PTPN13: variants seen among roughly 807,000 people sequenced by gnomAD.
The protein encoded by PTPN13 is protein tyrosine phosphatase non-receptor type 13.
Under a neutral mutation model 284.0 loss-of-function variants are expected in PTPN13, and 191 were observed. The ratio of observed to expected loss-of-function variants is 0.67; its 90% CI spans 0.60 to 0.76. PTPN13 has a LOEUF of 0.76. Ranked by LOEUF, PTPN13 falls within the 30% of genes least tolerant of loss-of-function variation. PTPN13 has a pLI of 0.00. For synonymous variants in PTPN13, 986 were observed against 1,022.3 expected, an observed-to-expected ratio of 0.96 and a Z score of 0.68; for missense variants, 2,797 against 2,939.9, an observed-to-expected ratio of 0.95 and a Z score of 1.12.
At chr4:86,792,482 C>T (rs1742801761) in intron 40 of PTPN13, among the ~76,000 whole-genome samples, 1 of 152,178 alleles carries the variant, frequency 6.6e-6, no homozygotes, top group Non-Finnish European at 1.5e-5. Context: ...GGCAGGCCAA[C>T]ATTCAAATTC....
chr4:86,619,607 A>G (rs755566377), intron 1 of PTPN13, among the ~76,000 whole-genome samples: 21 of 152,138 alleles, frequency 1.4e-4, no homozygotes, highest in African/African-American at 3.1e-4. Flanking sequence ...CCACATTTCT[A>G]TATTTCTAAA....
chr4:86,771,266 T>G lies in PTPN13; in HGVS notation c.4899T>G (p.Asn1633Lys). The change falls in exon 31 of 48, where the codon AAT becomes AAG. Residue 1633 changes from asparagine to lysine, a missense_variant. Asn to Lys is a moderately conservative substitution (Grantham distance 94, BLOSUM62 0). Transcript: ENST00000411767. ...CVEQSTSSDENEMSDKSKKQC... is the reference protein window; with the variant it reads ...CVEQSTSSDEKEMSDKSKKQC... ...AGCAAAGCACCAGCTCAGATGAAAA[T>G]GAAATGTCAGACAAAAGCAAAAAAC... The G allele has an allele frequency of 1.2e-6, 2 of 1,608,266 alleles. No homozygotes were observed. Among genetic ancestry groups the G allele is most frequent in the Non-Finnish European group, 8.5e-7 (1 of 1,177,222 alleles).
intron 2 of PTPN13, among the ~76,000 whole-genome samples, chr4:86,643,239 A>G (rs756523232): frequency 1.3e-5 from 2 of 152,244 alleles, no homozygotes; most frequent in African/African-American, 2.4e-5. Flanking sequence ...ATTAAAAACA[A>G]GCCAGGTTCA....
intron 2 of PTPN13, among the ~76,000 whole-genome samples, chr4:86,647,293 T>G (rs1351028180): frequency 3.3e-5 from 5 of 152,124 alleles, no homozygotes; most frequent in Non-Finnish European, 7.4e-5. Context: ...AAAAACTGTT[T>G]AAATTTAGAG....
At chr4:86,714,693 T>A (rs1206545179) in intron 7 of PTPN13, among the ~76,000 whole-genome samples, 1 of 152,198 alleles carries the variant, frequency 6.6e-6, no homozygotes, top group Non-Finnish European at 1.5e-5. Context: ...ATGAAAATAG[T>A]TGTCTTAAAG....
rs764228396 is a variant in PTPN13 at position 86,732,585 on chromosome 4, A to G, written c.1684-7A>G. On this transcript the variant is annotated splice_polypyrimidine_tract_variant and splice_region_variant and intron_variant, in intron 11 of 47. Coordinates refer to ENST00000411767, the MANE Select transcript of PTPN13 (RefSeq NM_080683.3). ...TTAATAAATGCCGTTTATTTTTTCA[A>G]TTGTAGACTAAGAAAGGGAAGAATG... 5.6e-6 allele frequency: 9 copies of G among 1,609,624 alleles called. No homozygotes were observed. Among genetic ancestry groups the G allele is most frequent in the East Asian group, 2.2e-5 (1 of 44,752 alleles).
At position 86,722,420 on chromosome 4, in the gene PTPN13, CAA is replaced by C. The variant is rs1317750373; in HGVS notation, c.1596_1597del (p.Arg533LysfsTer9). 1 of 1,612,032 alleles carries C rather than the reference CAA, an allele frequency of 6.2e-7. No individual in the cohort carries two copies. The highest frequency in any genetic ancestry group is 8.5e-7 in the Non-Finnish European group (1 of 1,178,314). On this transcript the variant is annotated frameshift_variant, in exon 10 of 48. Transcript: ENST00000411767. LOFTEE classifies it high-confidence loss of function. ...AATTGCCCTAGAAACAGCCATGACT[CAA>C]AGAAAACTGAGGGTAAGTTGATTCT... is the stretch of plus-strand genomic sequence containing the variant. ...REIALETAMT[Q>X]RKLRNFFGPE... is the part of the protein sequence containing the mutation.
At chr4:86,799,640 C>G (rs150792329) in intron 42 of PTPN13, among the ~76,000 whole-genome samples, 61 of 151,606 alleles carry the variant, frequency 4.0e-4, no homozygotes, top group African/African-American at 1.5e-3. Context: ...ACAGTATTTG[C>G]TTTTAAACAT....
chr4:86,785,195 TA>T, intron 38 of PTPN13, 35 bp from the exon 39 acceptor site: 1 of 1,418,332 alleles, frequency 7.1e-7, no homozygotes, highest in Admixed American at 2.4e-5. Flanking sequence ...TCAATATTTT[TA>T]AAGTAAAACC....
At chr4:86,813,497 G>A (rs1745459188) in intron 47 of PTPN13, among the ~76,000 whole-genome samples, 1 of 152,094 alleles carries the variant, frequency 6.6e-6, no homozygotes, top group Non-Finnish European at 1.5e-5. Context: ...CCAGGCTGGA[G>A]CACAGTCCGT....
chr4:86,808,271 A>G (rs774638654), intron 45 of PTPN13, among the ~76,000 whole-genome samples: 4 of 152,258 alleles, frequency 2.6e-5, no homozygotes, highest in Non-Finnish European at 5.9e-5. Flanking sequence ...ATCTTTAAGT[A>G]GAAAATATTC....
chr4:86,657,041 C>A (rs1234065576), intron 2 of PTPN13, among the ~76,000 whole-genome samples: 1 of 152,236 alleles, frequency 6.6e-6, no homozygotes, highest in African/African-American at 2.4e-5. Flanking sequence ...AGGATATTAT[C>A]TCTTGGTGTG....
chr4:86,746,949 T>G (rs1736837480), intron 17 of PTPN13, among the ~76,000 whole-genome samples: 1 of 152,240 alleles, frequency 6.6e-6, no homozygotes, highest in Non-Finnish European at 1.5e-5. Flanking sequence ...AATATCATTA[T>G]TCTCTTTCTG....
At chr4:86,638,360 T>C (rs1393112367) in intron 2 of PTPN13, among the ~76,000 whole-genome samples, 2 of 152,074 alleles carry the variant, frequency 1.3e-5, no homozygotes, top group African/African-American at 2.4e-5. Context: ...AAAAAGAGCC[T>C]GCATCGCCAA....
At position 86,693,459 on chromosome 4, in the gene PTPN13, A is replaced by G. The variant is rs569472349; in HGVS notation, c.547-128A>G. On this transcript the variant is annotated intron_variant, in intron 5 of 47. Coordinates refer to ENST00000411767, the MANE Select transcript of PTPN13 (RefSeq NM_080683.3). ...AATTACCCTACAAATACAATAGGAC[A>G]TAGAGTCTCATTATTTAATGTTACA... The G allele has an allele frequency of 1.7e-5, 9 of 525,274 alleles. No homozygotes were observed. The East Asian group carries it at 2.3e-4, about 14-fold the overall frequency. 32.5% of individuals were successfully genotyped at this position (525,274 alleles called of 1,614,324 possible).
intron 6 of PTPN13, among the ~76,000 whole-genome samples, chr4:86,700,091 T>C (rs1033917001): frequency 6.6e-6 from 1 of 152,158 alleles, no homozygotes; most frequent in African/African-American, 2.4e-5. Flanking sequence ...CCTTAAGCAA[T>C]TATTTGCTGC....
chr4:86,766,064 G>T (rs960055795), intron 26 of PTPN13, among the ~76,000 whole-genome samples: 1 of 152,134 alleles, frequency 6.6e-6, no homozygotes, highest in East Asian at 1.9e-4. Flanking sequence ...CTGACCTCAG[G>T]TGATCCCCCC....
chr4:86,806,610 T>A (rs1348742360), intron 44 of PTPN13, among the ~76,000 whole-genome samples: 9 of 152,010 alleles, frequency 5.9e-5, no homozygotes, highest in African/African-American at 2.2e-4. Context: ...AAAATCAGAA[T>A]AGGACAAGCC....
chr4:86,768,189 C>T (rs1298490420), intron 28 of PTPN13, among the ~76,000 whole-genome samples: 1 of 152,084 alleles, frequency 6.6e-6, no homozygotes, highest in African/African-American at 2.4e-5. Flanking sequence ...TAAAGTCATG[C>T]ATGATTATGG....
Sources: allele counts gnomAD v4.1 joint callset (sites outside exome capture counted in the v4.1 genomes callset), GRCh38; gene constraint gnomAD v4.1.1; transcripts MANE v1.5; gene names NCBI Gene and HGNC (gene_info 2026-07-23, HGNC 2026-07-21).